The following AKAP19 variants were observed in gnomAD, a reference collection of about 807,000 sequenced individuals.
The protein encoded by AKAP19 is small A-kinase anchoring protein.
the AKAP19 span, among the ~76,000 whole-genome samples, chr2:189,964,431 T>C: frequency 6.6e-6 from 1 of 152,204 alleles, no homozygotes; most frequent in Non-Finnish European, 1.5e-5. Context: ...CCAGCTGCAT[T>C]AGCCCTTAAA....
the AKAP19 span, among the ~76,000 whole-genome samples, chr2:189,932,349 A>G: frequency 6.7e-6 from 1 of 149,722 alleles, no homozygotes; most frequent in African/African-American, 2.5e-5. Context: ...TGGAGGTTGC[A>G]GTGAGCCGAG....
chr2:190,004,728 A>C, the AKAP19 span, among the ~76,000 whole-genome samples: 1 of 152,114 alleles, frequency 6.6e-6, no homozygotes, highest in South Asian at 2.1e-4. Context: ...CATAACTAGC[A>C]GACACATCAT....
At chr2:190,022,516 C>T in the AKAP19 span, among the ~76,000 whole-genome samples, 1,730 of 152,232 alleles carry the variant, frequency 0.011, 33 homozygotes, top group African/African-American at 0.04. Context: ...GAATAATTCA[C>T]TTTCACATTC....
chr2:190,145,216 C>G, the AKAP19 span, among the ~76,000 whole-genome samples: 1 of 152,144 alleles, frequency 6.6e-6, no homozygotes, highest in Non-Finnish European at 1.5e-5. Flanking sequence ...GAGCCCAGGA[C>G]ATGCAGGTTG....
At chr2:190,180,468 T>C in the AKAP19 span, 1 of 985,434 alleles carries the variant, frequency 1.0e-6, no homozygotes, top group East Asian at 1.1e-4. This position sits in a 1 kb window ranked among gnomAD's most constrained non-coding sequence, Gnocchi z 6.8. Context: ...GCGAAATGCC[T>C]CGCTGGCTCT....
chr2:190,019,438 G>T, the AKAP19 span, among the ~76,000 whole-genome samples: 1 of 152,074 alleles, frequency 6.6e-6, no homozygotes, highest in Non-Finnish European at 1.5e-5. Flanking sequence ...GCCATCTAGG[G>T]ATACAAGCCA....
At chr2:190,102,801 C>T in the AKAP19 span, among the ~76,000 whole-genome samples, 2 of 152,064 alleles carry the variant, frequency 1.3e-5, no homozygotes, top group Non-Finnish European at 2.9e-5. Context: ...TGAAACTATT[C>T]CAAAAAATCA....
the AKAP19 span, among the ~76,000 whole-genome samples, chr2:190,043,896 GCTTTGTGCAGGA>G: frequency 6.6e-6 from 1 of 152,154 alleles, no homozygotes; most frequent in African/African-American, 2.4e-5. Flanking sequence ...CCAAACCAAG[GCTTTGTGCAGGA>G]TCTTTATGTG....
At chr2:189,924,341 C>G in the AKAP19 span, 1 of 895,970 alleles carries the variant, frequency 1.1e-6, no homozygotes, top group East Asian at 2.4e-5. Context: ...TTTCCCCATC[C>G]TTGTCCTTCC....
chr2:190,167,434 G>T, the AKAP19 span, among the ~76,000 whole-genome samples: 1 of 152,118 alleles, frequency 6.6e-6, no homozygotes, highest in African/African-American at 2.4e-5. Context: ...AAAATCTCAT[G>T]TTCTCATATT....
chr2:190,151,675 A>G, the AKAP19 span, among the ~76,000 whole-genome samples: 1 of 152,234 alleles, frequency 6.6e-6, no homozygotes, highest in Non-Finnish European at 1.5e-5. Flanking sequence ...GAACAAACCA[A>G]GCAACTATCC....
At chr2:189,949,631 C>CT in the AKAP19 span, among the ~76,000 whole-genome samples, 21,234 of 117,730 alleles carry the variant, frequency 0.18, 2,439 homozygotes, top group African/African-American at 0.28. Context: ...CTTTTTCTTT[C>CT]TTTTTTTTTT....
the AKAP19 span, among the ~76,000 whole-genome samples, chr2:190,076,349 T>A: frequency 6.6e-6 from 1 of 152,198 alleles, no homozygotes; most frequent in African/African-American, 2.4e-5. Flanking sequence ...CTTCAAACAT[T>A]GCCAAAAGTT....
At chr2:190,178,691 C>T in the AKAP19 span, among the ~76,000 whole-genome samples, 3 of 152,164 alleles carry the variant, frequency 2.0e-5, no homozygotes, top group Non-Finnish European at 4.4e-5. The surrounding 1 kb of genome is among the most constrained non-coding windows in gnomAD (Gnocchi z 6.3). Flanking sequence ...TGGCCCGCTT[C>T]ATCTGTAGAC....
chr2:190,042,429 G>T, the AKAP19 span, among the ~76,000 whole-genome samples: 1 of 151,600 alleles, frequency 6.6e-6, no homozygotes, highest in East Asian at 1.9e-4. Context: ...CTAGCTAATG[G>T]TGTATTTTAT....
At chr2:189,978,033 C>T in the AKAP19 span, among the ~76,000 whole-genome samples, 3 of 152,104 alleles carry the variant, frequency 2.0e-5, no homozygotes, top group South Asian at 2.1e-4. Context: ...TTTAAGTGTT[C>T]TGATCATGTT....
At chr2:190,173,453 C>T in the AKAP19 span, among the ~76,000 whole-genome samples, 4 of 152,230 alleles carry the variant, frequency 2.6e-5, no homozygotes, top group Non-Finnish European at 1.5e-5. Context: ...AGAGGGCATA[C>T]ACTGTAAGAC....
the AKAP19 span, among the ~76,000 whole-genome samples, chr2:189,976,438 G>T: frequency 1.4e-4 from 21 of 152,334 alleles, no homozygotes; most frequent in African/African-American, 4.6e-4. Context: ...ACCCACTTGA[G>T]GAGGCAGTCT....
chr2:190,047,599 A>G, the AKAP19 span, among the ~76,000 whole-genome samples: 3 of 152,184 alleles, frequency 2.0e-5, no homozygotes, highest in Non-Finnish European at 2.9e-5. Context: ...TTCTCTCTCC[A>G]TAGTTCCCGC....
Sources: allele counts gnomAD v4.1 joint callset (sites outside exome capture counted in the v4.1 genomes callset), GRCh38; gene constraint gnomAD v4.1.1; non-coding constraint Gnocchi (gnomAD v3.1); transcripts MANE v1.5; gene names NCBI Gene and HGNC (gene_info 2026-07-23, HGNC 2026-07-21).